TNFRSF14: variants seen among roughly 807,000 people sequenced by gnomAD.
TNFRSF14 encodes TNF receptor superfamily member 14.
TNFRSF14 carries 18 observed loss-of-function variants against 34.1 expected under a neutral mutation model. That is an observed-to-expected ratio of 0.53 (90% CI 0.36 to 0.78). TNFRSF14 has a LOEUF of 0.78. TNFRSF14 is among the 30% of genes least tolerant of loss of function. The probability of loss-of-function intolerance (pLI) is 0.00; values close to 1 mark genes in which losing one functional copy is unlikely to be tolerated. For missense variants in TNFRSF14, 352 were observed against 379.5 expected (o/e 0.93, Z 0.60); for synonymous variants, 157 against 153.2 (o/e 1.02, Z -0.18).
At chr1:2,563,122 G>C (rs189581516) in intron 7 of TNFRSF14, 26 bp from the exon 8 acceptor site, 20 of 1,612,486 alleles carry the variant, frequency 1.2e-5, no homozygotes, top group Non-Finnish European at 1.6e-5. Context: ...GAGCAGGCAG[G>C]GTCTCCACGA....
At chr1:2,557,008 A>C in intron 1 of TNFRSF14, 8 of 428,862 alleles carry the variant, frequency 1.9e-5, no homozygotes, top group South Asian at 5.0e-5. Context: ...GTGAGCCCCC[A>C]TTTGGCCGGA....
Position 2,558,483 on chromosome 1 carries a change from C to A in TNFRSF14, c.304+15C>A. On this transcript the variant is annotated intron_variant, in intron 3 of 7. Transcript: ENST00000355716. ...GTGTGACCCAGGTAAGAGGCCAGCA[C>A]AGCCGGCCCAGCCTCCGCTTGGGCA... 6.2e-7 allele frequency: 1 copy of A among 1,612,086 alleles called. No individual in the cohort carries two copies. Among genetic ancestry groups the A allele is most frequent in the Non-Finnish European group, 8.5e-7 (1 of 1,179,640 alleles).
In TNFRSF14 at chr1:2,561,444, GTC is replaced by G; in HGVS notation, c.552-224_552-223del. The G allele has an allele frequency of 6.8e-7, 1 of 1,472,320 alleles. No individual in the cohort carries two copies. Among genetic ancestry groups the G allele is most frequent in the Middle Eastern group, 2.2e-4 (1 of 4,648 alleles). The allele number at this position is 1,472,320 out of a possible 1,614,324, so 91.2% of individuals were successfully genotyped here. On this transcript the variant is annotated intron_variant, in intron 5 of 7. Transcript: ENST00000355716. The surrounding 1 kb of genome is among the most constrained non-coding windows in gnomAD (Gnocchi z 6.0). ...TCTGCCGTCCTGTCTCCTTTGCCCA[GTC>G]TCTCCTTGTTTCTCTTCTCCTCCTT...
chr1:2,561,546 C>A lies in TNFRSF14; in HGVS notation c.552-127C>A. On this transcript the variant is annotated intron_variant, in intron 5 of 7. Transcript: ENST00000355716. The surrounding 1 kb of genome is among the most constrained non-coding windows in gnomAD (Gnocchi z 6.0). ...CTGAGGTCTCATCCTGGAGCTGCCA[C>A]CAGCCCAGCCTCCCTGGGACCTGTC... 6.4e-7 allele frequency: 1 copy of A among 1,568,914 alleles called. No individual in the cohort carries two copies. Among genetic ancestry groups the A allele is most frequent in the Non-Finnish European group, 8.6e-7 (1 of 1,156,908 alleles).
At position 2,563,605 on chromosome 1, in the gene TNFRSF14, G is replaced by A. The variant is rs1644344283; in HGVS notation, c.*332G>A. The A allele has an allele frequency of 1.8e-5, 6 of 337,442 alleles. No homozygotes were observed. The highest frequency in any genetic ancestry group is 3.3e-5 in the Non-Finnish European group (6 of 182,858). 20.9% of individuals were successfully genotyped at this position (337,442 alleles called of 1,614,324 possible). A position where few individuals can be genotyped will look rare whatever the true frequency, so the allele number is the denominator to read the frequency against. On this transcript the variant is annotated 3_prime_UTR_variant, in exon 8 of 8. Transcript: ENST00000355716. ...AGCCCAGAGGGCCCTTCAGACCCCA[G>A]CTGTCTGCGCGTCTGACTCTTGTGG...
intron 3 of TNFRSF14, chr1:2,559,048 A>G (rs1473095824): frequency 7.3e-7 from 1 of 1,369,028 alleles, no homozygotes; most frequent in Non-Finnish European, 9.6e-7. Flanking sequence ...GCCTCATGCC[A>G]GGCTCAGCAT....
chr1:2,562,505 TC>T, intron 6 of TNFRSF14: 1 of 434,634 alleles, frequency 2.3e-6, no homozygotes, highest in Non-Finnish European at 4.2e-6. Flanking sequence ...CAGCTTAGTC[TC>T]ACCCAACTGG....
chr1:2,562,020 G>GGGA, intron 6 of TNFRSF14: 2 of 626,196 alleles, frequency 3.2e-6, no homozygotes, highest in Non-Finnish European at 5.6e-6. Flanking sequence ...AAGGGAAGGT[G>GGGA]GGACCCCTGA....
At position 2,563,058 on chromosome 1, in the gene TNFRSF14, C is replaced by G; in HGVS notation, c.727-90C>G. ...GGTAGCTCAGGAAAGAACCCACCCC[C>G]TCAAACTGAAAGCAGTAAAATGAAC... On this transcript the variant is annotated intron_variant, in intron 7 of 7. Transcript: ENST00000355716. 4 of 1,594,548 alleles carry G rather than the reference C, an allele frequency of 2.5e-6. No individual in the cohort carries two copies. In the South Asian group the frequency reaches 4.5e-5, roughly 18 times the overall value.
rs1644285181 is a variant in TNFRSF14 at position 2,560,037 on chromosome 1, G to C, written c.460+59G>C. On this transcript the variant is annotated intron_variant, in intron 4 of 7. Coordinates refer to ENST00000355716, the MANE Select transcript of TNFRSF14 (RefSeq NM_003820.4). ...CCACCCTGGTCCCCAGTGCCCCGCT[G>C]TCTGGAGCCCCAGGTTTCCTCGACG... is the stretch of plus-strand genomic sequence containing the variant. 7.5e-6 allele frequency: 11 copies of C among 1,466,012 alleles called. No individual in the cohort carries two copies. In the African/African-American group the frequency reaches 8.4e-5, roughly 11 times the overall value. The allele number at this position is 1,466,012 out of a possible 1,614,324, so 90.8% of individuals were successfully genotyped here.
intron 6 of TNFRSF14, chr1:2,562,463 C>T (rs1187116920): frequency 2.3e-5 from 7 of 309,704 alleles, no homozygotes; most frequent in African/African-American, 8.9e-5. Flanking sequence ...GGGGAGGTCT[C>T]GGGGCCTCAG....
chr1:2,561,777 T>C lies in TNFRSF14; in HGVS notation c.656T>C (p.Val219Ala), dbSNP rs1159818614. 1 of 1,613,868 alleles carries C rather than the reference T, an allele frequency of 6.2e-7. No homozygotes were observed. Among genetic ancestry groups the C allele is most frequent in the Non-Finnish European group, 8.5e-7 (1 of 1,179,986 alleles). Residue 219 changes from valine (V) to alanine (A), a missense_variant, in exon 6 of 8, where the codon GTT (valine) becomes GCT (alanine). Val to Ala is a moderately conservative substitution (Grantham distance 64). Coordinates refer to ENST00000355716, the MANE Select transcript of TNFRSF14 (RefSeq NM_003820.4). This position sits in a 1 kb window ranked among gnomAD's most constrained non-coding sequence, Gnocchi z 6.0. ...GTCATCGTCATTGTTTGCTCCACAG[T>C]TGGCCTAATCATATGTGTGAAAAGA... ...SLVIVIVCST[V>A]GLIICVKRRK... is the part of the protein sequence containing the mutation.
chr1:2,560,743 T>C, intron 5 of TNFRSF14, 29 bp downstream of exon 5: 1 of 1,602,776 alleles, frequency 6.2e-7, no homozygotes. Context: ...GGCCCAGCTC[T>C]GTGCCCTGGG....
At chr1:2,560,179 G>C (rs1224685452) in intron 4 of TNFRSF14, among the ~76,000 whole-genome samples, 1 of 152,218 alleles carries the variant, frequency 6.6e-6, no homozygotes, top group Non-Finnish European at 1.5e-5. Flanking sequence ...GCAGGGGAAG[G>C]GGCAAGGAAG....
chr1:2,562,922 T>G, intron 7 of TNFRSF14, 26 bp downstream of exon 7: 2 of 1,363,476 alleles, frequency 1.5e-6, no homozygotes, highest in Non-Finnish European at 2.0e-6. Context: ...CCCCTCTCCC[T>G]CCCCCCTCCA....
In TNFRSF14 at chr1:2,563,646, C is replaced by T. The variant is rs1644345101; in HGVS notation, c.*373C>T. ...ACTCTTGTGGCCTCAGCAGGACAGG[C>T]CCCGGGCACTGCCTCACAGCCAAGG... is the stretch of plus-strand genomic sequence containing the variant. On this transcript the variant is annotated 3_prime_UTR_variant, in exon 8 of 8. Transcript: ENST00000355716. 1 of 285,078 alleles carries T rather than the reference C, an allele frequency of 3.5e-6. No individual in the cohort carries two copies. Among genetic ancestry groups the T allele is most frequent in the Middle Eastern group, 1.0e-3 (1 of 984 alleles). The allele number at this position is 285,078 out of a possible 1,614,324, so 17.7% of individuals were successfully genotyped here. A position where few individuals can be genotyped will look rare whatever the true frequency, so the allele number is the denominator to read the frequency against.
intron 3 of TNFRSF14, chr1:2,559,281 G>A: frequency 1.5e-6 from 2 of 1,367,118 alleles, no homozygotes; most frequent in Non-Finnish European, 1.9e-6. Context: ...TCTTGTGAAA[G>A]CACCTGTCTA....
chr1:2,558,735 C>T lies in TNFRSF14; in HGVS notation c.304+267C>T, dbSNP rs11573974. On this transcript the variant is annotated intron_variant, in intron 3 of 7. Coordinates refer to ENST00000355716, the MANE Select transcript of TNFRSF14 (RefSeq NM_003820.4). ...ACTGACCCTTATCCCTCGTCCTTGG[C>T]TCCTCTGGTGCCCGGGGTGGGTGCC... 1.1e-3 allele frequency: 1,290 copies of T among 1,160,652 alleles called. 15 individuals carry two copies. In the African/African-American group the frequency reaches 0.018, roughly 16 times the overall value. The allele number at this position is 1,160,652 out of a possible 1,614,324, so 71.9% of individuals were successfully genotyped here.
upstream of TNFRSF14, chr1:2,556,297 C>T (rs982697282): frequency 1.7e-6 from 1 of 572,470 alleles, no homozygotes; most frequent in African/African-American, 1.8e-5. Flanking sequence ...GGGGCTCCCC[C>T]TTCTACAGGA....
Sources: gnomAD v4.1 joint callset for allele counts (sites outside exome capture counted in the v4.1 genomes callset) on GRCh38, gnomAD v4.1.1 for gene constraint, Gnocchi (gnomAD v3.1) non-coding constraint, MANE v1.5 for transcripts, NCBI Gene and HGNC (gene_info 2026-07-23, HGNC 2026-07-21) for gene names.